The following UNC79 variants were observed in gnomAD, a reference collection of about 807,000 sequenced individuals.
UNC79 encodes the protein protein unc-79 homolog.
In UNC79, 37 loss-of-function variants were observed where a neutral mutation model predicts 283.1. The ratio of observed to expected loss-of-function variants is 0.13; its 90% CI spans 0.10 to 0.17. The LOEUF (loss-of-function observed/expected upper bound fraction) is 0.17. UNC79 is among the 10% of genes least tolerant of loss of function. The pLI is 1.00. For missense variants in UNC79, 2,272 were observed against 3,211.1 expected (o/e 0.71, Z 7.07); for synonymous variants, 1,107 against 1,200.2 (o/e 0.92, Z 1.61).
chr14:93,524,018 T>C, exon 8 of UNC79: 1 of 1,614,172 alleles, frequency 6.2e-7, no homozygotes, highest in East Asian at 2.2e-5. Context: ...AATGCCACAA[T>C]GCAATTAACA....
At chr14:93,376,602 A>C (rs1274668388) in intron 1 of UNC79, among the ~76,000 whole-genome samples, 3 of 152,140 alleles carry the variant, frequency 2.0e-5, no homozygotes, top group Admixed American at 6.5e-5. Flanking sequence ...ATTGAGCAGC[A>C]CTTGGAACCA....
At chr14:93,667,444 A>G (rs1243717587) in intron 40 of UNC79, among the ~76,000 whole-genome samples, 1 of 128,208 alleles carries the variant, frequency 7.8e-6, no homozygotes, top group African/African-American at 2.7e-5. Context: ...TAAATTTGAA[A>G]TCTTTGACAG....
intron 4 of UNC79, among the ~76,000 whole-genome samples, chr14:93,487,190 A>G (rs945167549): frequency 1.3e-5 from 2 of 152,244 alleles, no homozygotes; most frequent in African/African-American, 4.8e-5. Context: ...TATTGTAACT[A>G]AATTAATGTT....
chr14:93,405,075 T>C (rs2055199026), intron 1 of UNC79, among the ~76,000 whole-genome samples: 1 of 151,896 alleles, frequency 6.6e-6, no homozygotes, highest in Admixed American at 6.6e-5. Context: ...CTGAGGTCGG[T>C]AGTTCGAGAC....
intron 7 of UNC79, among the ~76,000 whole-genome samples, chr14:93,507,835 A>G (rs888881284): frequency 1.3e-5 from 2 of 152,146 alleles, no homozygotes; most frequent in African/African-American, 4.8e-5. Context: ...CTATATTTCC[A>G]TTTAAGTCTA....
chr14:93,650,320 A>G (rs1187484788), intron 35 of UNC79, among the ~76,000 whole-genome samples: 1 of 152,110 alleles, frequency 6.6e-6, no homozygotes, highest in Non-Finnish European at 1.5e-5. Context: ...TCTTGGGTAA[A>G]ATACCTAGGG....
Position 93,688,888 on chromosome 14 carries a change from A to C in UNC79, c.7085+48A>C. On this transcript the variant is annotated intron_variant, in intron 44 of 48. Transcript: ENST00000555664. The surrounding 1 kb of genome is among the most constrained non-coding windows in gnomAD (Gnocchi z 4.0). ...AATGAGGGTAAAGAAGGCAGGAGAC[A>C]CCCCTGAGTTTCCTCGGGCTCAGCT... 6.3e-7 allele frequency: 1 copy of C among 1,581,558 alleles called. No individual in the cohort carries two copies. Among genetic ancestry groups the C allele is most frequent in the South Asian group, 1.1e-5 (1 of 87,062 alleles).
intron 27 of UNC79, among the ~76,000 whole-genome samples, chr14:93,613,759 C>G (rs1369296155): frequency 6.6e-6 from 1 of 152,018 alleles, no homozygotes; most frequent in African/African-American, 2.4e-5. Flanking sequence ...TTTTCAATTA[C>G]TAACCAAAAA....
At position 93,648,298 on chromosome 14, in the gene UNC79, A is replaced by G. The variant is rs1395424448; in HGVS notation, c.6083+1652A>G. ...ACAATAAAATAAATCTTTTTAAGGA[A>G]AAAAAATTTTGAGGACCCCTCTGGC... On this transcript the variant is annotated intron_variant, in intron 35 of 48. Coordinates refer to ENST00000555664, the Ensembl canonical transcript of UNC79. 3.3e-5 allele frequency among the ~76,000 whole-genome samples: 5 copies of G among 150,768 alleles called. No homozygotes were observed. In the East Asian group the frequency reaches 9.7e-4, roughly 29 times the overall value.
intron 1 of UNC79, chr14:93,334,675 G>C (rs569244774): frequency 7.7e-4 from 117 of 152,312 alleles, no homozygotes; most frequent in African/African-American, 2.6e-3. Context: ...ACACGGGTTT[G>C]AACTGTGCGG....
At chr14:93,524,470 A>C (rs1393502136) in intron 8 of UNC79, among the ~76,000 whole-genome samples, 1 of 152,244 alleles carries the variant, frequency 6.6e-6, no homozygotes, top group East Asian at 1.9e-4. Context: ...CATATTACAA[A>C]TATGACTTAA....
At chr14:93,399,815 A>G (rs925436994) in intron 1 of UNC79, among the ~76,000 whole-genome samples, 2 of 152,150 alleles carry the variant, frequency 1.3e-5, no homozygotes, top group African/African-American at 4.8e-5. Context: ...CCAATCTCCT[A>G]TGTGCAGATT....
At chr14:93,664,787 C>A (rs907086308) in intron 40 of UNC79, among the ~76,000 whole-genome samples, 2 of 152,106 alleles carry the variant, frequency 1.3e-5, no homozygotes, top group Non-Finnish European at 2.9e-5. Context: ...AACATTAGTG[C>A]TTAGTAAGTA....
intron 47 of UNC79, among the ~76,000 whole-genome samples, chr14:93,696,649 T>A (rs1182534580): frequency 1.3e-5 from 2 of 152,194 alleles, no homozygotes; most frequent in African/African-American, 4.8e-5. Flanking sequence ...TATTTGCCCA[T>A]TTTTTATTGG....
intron 3 of UNC79, 106 bp from the exon 4 acceptor site, chr14:93,477,452 A>G: frequency 2.4e-6 from 2 of 843,210 alleles, no homozygotes; most frequent in Non-Finnish European, 3.5e-6. Context: ...ATGGAGCACT[A>G]GTTGCTTATA....
intron 7 of UNC79, among the ~76,000 whole-genome samples, chr14:93,501,171 A>C (rs978517779): frequency 2.0e-5 from 3 of 152,080 alleles, no homozygotes; most frequent in Non-Finnish European, 4.4e-5. Flanking sequence ...CTAAAAATAC[A>C]AAAATTAACC....
rs2061652563 is a variant in UNC79, at chr14:93,547,396, C to T, written c.1755+4700C>T. On this transcript the variant is annotated intron_variant, in intron 14 of 48. Coordinates refer to ENST00000555664, the Ensembl canonical transcript of UNC79. ...CAAATCCTTTGAGATTTTCAAGCGT[C>T]CCTCTGGGAAATTTCAGGTCAGTTC... Among the ~76,000 whole-genome samples the T allele has an allele frequency of 5.9e-5, 3 of 51,240 alleles. No homozygotes were observed. In the Admixed American group the frequency reaches 8.4e-4, roughly 14 times the overall value. 33.6% of individuals were successfully genotyped at this position (51,240 alleles called of 152,430 possible).
chr14:93,392,536 C>T (rs1369528032), intron 1 of UNC79, among the ~76,000 whole-genome samples: 2 of 152,176 alleles, frequency 1.3e-5, no homozygotes, highest in Admixed American at 6.5e-5. Flanking sequence ...AATATTTATG[C>T]AATGACTCTT....
At chr14:93,500,364 G>C (rs1442684526) in intron 7 of UNC79, among the ~76,000 whole-genome samples, 1 of 152,150 alleles carries the variant, frequency 6.6e-6, no homozygotes, top group Non-Finnish European at 1.5e-5. Context: ...TGGGATGCCT[G>C]CTGCCCTCCA....
Sources: allele counts gnomAD v4.1 joint callset (sites outside exome capture counted in the v4.1 genomes callset), GRCh38; gene constraint gnomAD v4.1.1; non-coding constraint Gnocchi (gnomAD v3.1); transcripts MANE v1.5; gene names NCBI Gene and HGNC (gene_info 2026-07-23, HGNC 2026-07-21).